RANBP2: variants seen among roughly 807,000 people sequenced by gnomAD.
The protein encoded by RANBP2 is RAN binding protein 2, also known as E3 SUMO-protein ligase RanBP2.
In RANBP2, 57 loss-of-function variants were observed where a neutral mutation model predicts 303.6. That is an observed-to-expected ratio of 0.19 (90% CI 0.15 to 0.23). The LOEUF is 0.23. RANBP2 is among the 10% of genes least tolerant of loss of function. The pLI is 1.00. For synonymous variants in RANBP2, 1,167 were observed against 1,301.5 expected (o/e 0.90, Z 2.23); for missense variants, 3,138 against 3,780.8 (o/e 0.83, Z 4.46).
the RANBP2 span, among the ~76,000 whole-genome samples, chr2:109,046,198 G>A: frequency 4.0e-5 from 6 of 151,120 alleles, no homozygotes; most frequent in Non-Finnish European, 8.8e-5. Context: ...CAGCTACTCG[G>A]GAGGCTGAGG....
the RANBP2 span, among the ~76,000 whole-genome samples, chr2:109,191,417 GA>G: frequency 1.3e-5 from 2 of 152,186 alleles, no homozygotes; most frequent in African/African-American, 4.8e-5. Flanking sequence ...ATACTATTTA[GA>G]AGAAAGTGGG....
chr2:109,652,037 A>G, the RANBP2 span, among the ~76,000 whole-genome samples: 2 of 152,192 alleles, frequency 1.3e-5, no homozygotes, highest in African/African-American at 2.4e-5. Flanking sequence ...TCCCCAGCAC[A>G]GTACCATTCC....
chr2:109,453,780 C>T, the RANBP2 span, among the ~76,000 whole-genome samples: 1,983 of 152,302 alleles, frequency 0.013, 53 homozygotes, highest in African/African-American at 0.046. Flanking sequence ...GGGTGATTGA[C>T]CTGCGTGTGG....
At chr2:109,369,921 C>T in the RANBP2 span, among the ~76,000 whole-genome samples, 1 of 152,226 alleles carries the variant, frequency 6.6e-6, no homozygotes, top group Non-Finnish European at 1.5e-5. Flanking sequence ...GCATCAGAGG[C>T]TCCTTGGAAA....
the RANBP2 span, among the ~76,000 whole-genome samples, chr2:109,516,509 C>G: frequency 6.6e-6 from 1 of 152,236 alleles, no homozygotes; most frequent in African/African-American, 2.4e-5. Context: ...CACCGGGTCA[C>G]AGAGAGCCCG....
At chr2:109,517,161 C>T in the RANBP2 span, among the ~76,000 whole-genome samples, 4 of 150,748 alleles carry the variant, frequency 2.7e-5, no homozygotes, top group South Asian at 2.1e-4. Context: ...AAGGGTCACC[C>T]GGAATGTGCA....
the RANBP2 span, among the ~76,000 whole-genome samples, chr2:109,661,391 C>T: frequency 6.4e-4 from 98 of 152,204 alleles, 1 homozygote; most frequent in African/African-American, 2.1e-3. Context: ...GGATTACAGG[C>T]GCTTGCCACC....
chr2:109,607,083 C>A, the RANBP2 span, among the ~76,000 whole-genome samples: 1 of 152,208 alleles, frequency 6.6e-6, no homozygotes. Flanking sequence ...CTCCGCTAAT[C>A]CATGGCCATC....
the RANBP2 span, among the ~76,000 whole-genome samples, chr2:109,486,714 G>A: frequency 2.2e-4 from 34 of 152,020 alleles, no homozygotes; most frequent in Admixed American, 2.2e-3. Flanking sequence ...GGTTGGCGCA[G>A]GATGTGTTAG....
the RANBP2 span, among the ~76,000 whole-genome samples, chr2:109,053,237 T>C: frequency 9.9e-5 from 15 of 152,216 alleles, no homozygotes; most frequent in Non-Finnish European, 1.9e-4. Flanking sequence ...CAGACTCCCC[T>C]GCCCAAGAGA....
At chr2:109,347,025 G>A in the RANBP2 span, among the ~76,000 whole-genome samples, 1 of 152,126 alleles carries the variant, frequency 6.6e-6, no homozygotes, top group South Asian at 2.1e-4. Flanking sequence ...CCTCGTGTGT[G>A]TACCGCTGGC....
intron 12 of RANBP2, among the ~76,000 whole-genome samples, chr2:108,752,480 T>G (rs1233444502): frequency 4.0e-5 from 6 of 151,564 alleles, no homozygotes; most frequent in Non-Finnish European, 8.8e-5. Context: ...CGTTTAAAAG[T>G]TGAGTGTAGA....
chr2:109,245,674 A>G, the RANBP2 span, among the ~76,000 whole-genome samples: 3 of 152,200 alleles, frequency 2.0e-5, no homozygotes, highest in Non-Finnish European at 4.4e-5. Context: ...CTGAGACCAT[A>G]TTTGTTAAGA....
At chr2:109,030,454 G>C in the RANBP2 span, among the ~76,000 whole-genome samples, 1 of 152,202 alleles carries the variant, frequency 6.6e-6, no homozygotes, top group Non-Finnish European at 1.5e-5. Flanking sequence ...GTGATAATGT[G>C]TATAGTAGCA....
chr2:109,028,441 T>G, the RANBP2 span, among the ~76,000 whole-genome samples: 1 of 152,154 alleles, frequency 6.6e-6, no homozygotes, highest in South Asian at 2.1e-4. Flanking sequence ...TGCTGCACCC[T>G]GGCTTCCCCG....
Position 108,766,269 on chromosome 2 carries a change from G to T in RANBP2, c.5730G>T (p.Lys1910Asn), listed in dbSNP as rs775188904. ...TTTCGGAACCAGGAAATCAAGAAAA[G>T]AAAAGTGAAAAGCCTCTTGAAAATG... ...FGISEPGNQEKKSEKPLENGT... is the reference protein window; with the variant it reads ...FGISEPGNQENKSEKPLENGT... The change falls in exon 20 of 29, where the codon AAG becomes AAT. Residue 1910 changes from lysine (K) to asparagine (N), a missense_variant. By Grantham distance (94) the Lys-to-Asn change is moderately conservative. This residue lies in a region of RANBP2 where 348 missense variants were observed against 360.4 expected (regional missense o/e 0.97). Coordinates refer to ENST00000283195, the MANE Select transcript of RANBP2 (RefSeq NM_006267.5). 2.5e-6 allele frequency: 4 copies of T among 1,612,108 alleles called. No homozygotes were observed. Among genetic ancestry groups the T allele is most frequent in the Non-Finnish European group, 3.4e-6 (4 of 1,179,936 alleles).
At chr2:108,948,017 C>A in the RANBP2 span, among the ~76,000 whole-genome samples, 6 of 152,134 alleles carry the variant, frequency 3.9e-5, no homozygotes, top group South Asian at 2.1e-4. Flanking sequence ...TCTGTGAATG[C>A]ACATGACTGA....
chr2:108,719,539 T>G lies in RANBP2; in HGVS notation c.-68T>G. The G allele has an allele frequency of 6.4e-7, 1 of 1,558,798 alleles. No homozygotes were observed. Among genetic ancestry groups the G allele is most frequent in the Non-Finnish European group, 8.7e-7 (1 of 1,152,756 alleles). ...CACTGGTTTGCAGGCGCTTTCCTCT[T>G]GGAAGTGGCGACTGCTGCGGGCCTG... On this transcript the variant is annotated 5_prime_UTR_variant, in exon 1 of 29. Coordinates refer to ENST00000283195, the MANE Select transcript of RANBP2 (RefSeq NM_006267.5).
chr2:109,714,723 C>A, the RANBP2 span, among the ~76,000 whole-genome samples: 1 of 151,498 alleles, frequency 6.6e-6, no homozygotes, highest in Admixed American at 6.6e-5. Context: ...GAGTCTCCTG[C>A]CTCATCCTTT....
Sources: gnomAD v4.1 joint callset for allele counts (sites outside exome capture counted in the v4.1 genomes callset) on GRCh38, gnomAD v4.1.1 for gene constraint, gnomAD v4.1.1 regional missense constraint, MANE v1.5 for transcripts, NCBI Gene and HGNC (gene_info 2026-07-23, HGNC 2026-07-21) for gene names.